Variants in CNTNAP2 observed in about 807,000 individuals in gnomAD.
The protein encoded by CNTNAP2 is contactin associated protein 2, also known as contactin-associated protein-like 2.
CNTNAP2 carries 98 observed loss-of-function variants against 155.2 expected under a neutral mutation model. The ratio of observed to expected loss-of-function variants is 0.63; its 90% CI spans 0.54 to 0.75. The LOEUF is 0.75. Ranked by LOEUF, CNTNAP2 falls within the 30% of genes least tolerant of loss-of-function variation. The pLI, the probability that CNTNAP2 is intolerant of heterozygous loss-of-function variation, is 0.00. For synonymous variants in CNTNAP2, 651 were observed against 631.2 expected (o/e 1.03, Z -0.47); for missense variants, 1,727 against 1,688.1 (o/e 1.02, Z -0.40).
intron 3 of CNTNAP2, among the ~76,000 whole-genome samples, chr7:147,014,203 AT>A (rs1414496252): frequency 6.6e-6 from 1 of 152,100 alleles, no homozygotes; most frequent in African/African-American, 2.4e-5. Flanking sequence ...AAACAAATGT[AT>A]TTTCTCAGCA....
chr7:146,292,693 T>A (rs1800450913), intron 1 of CNTNAP2, among the ~76,000 whole-genome samples: 1 of 152,216 alleles, frequency 6.6e-6, no homozygotes, highest in Admixed American at 6.5e-5. Flanking sequence ...TGCAGCACTA[T>A]TCAGCTTTAC....
At chr7:147,142,947 G>A (rs1437381071) in intron 8 of CNTNAP2, among the ~76,000 whole-genome samples, 1 of 151,900 alleles carries the variant, frequency 6.6e-6, no homozygotes, top group Non-Finnish European at 1.5e-5. Context: ...CCCAATTTTA[G>A]TATACTTTCC....
chr7:147,324,619 A>C (rs1383044986), intron 9 of CNTNAP2, among the ~76,000 whole-genome samples: 1 of 152,058 alleles, frequency 6.6e-6, no homozygotes, highest in Non-Finnish European at 1.5e-5. Context: ...ATTTCATCAA[A>C]TCTTTCTTCA....
chr7:147,490,808 G>A (rs1479929416), intron 11 of CNTNAP2, among the ~76,000 whole-genome samples: 2 of 152,310 alleles, frequency 1.3e-5, no homozygotes, highest in Middle Eastern at 3.4e-3. Context: ...GTTCCATGTA[G>A]CCGGGGAGGC....
chr7:146,998,253 A>G (rs1798349909), intron 3 of CNTNAP2, among the ~76,000 whole-genome samples: 1 of 152,004 alleles, frequency 6.6e-6, no homozygotes, highest in Non-Finnish European at 1.5e-5. Flanking sequence ...TCTGAAGAAT[A>G]TTTTAAATTT....
chr7:146,558,409 T>C (rs1289472001), intron 1 of CNTNAP2, among the ~76,000 whole-genome samples: 1 of 151,662 alleles, frequency 6.6e-6, no homozygotes, highest in Non-Finnish European at 1.5e-5. Context: ...GGCATGTACT[T>C]TTTTTTTAAC....
intron 12 of CNTNAP2, among the ~76,000 whole-genome samples, chr7:147,585,348 A>G (rs1431940128): frequency 6.6e-6 from 1 of 151,228 alleles, no homozygotes; most frequent in African/African-American, 2.4e-5. Flanking sequence ...TATCATTACT[A>G]TGAGTTAGGA....
At chr7:147,551,568 TTA>T (rs1562992954) in intron 11 of CNTNAP2, among the ~76,000 whole-genome samples, 1 of 152,184 alleles carries the variant, frequency 6.6e-6, no homozygotes, top group African/African-American at 2.4e-5. Flanking sequence ...ACCTGTCCTA[TTA>T]TAAAACAAGC....
intron 3 of CNTNAP2, among the ~76,000 whole-genome samples, chr7:146,979,601 A>T (rs1377360043): frequency 6.6e-6 from 1 of 152,202 alleles, no homozygotes; most frequent in Non-Finnish European, 1.5e-5. Flanking sequence ...CCGTGAAAGC[A>T]GAGTGTGATC....
chr7:147,067,828 C>A (rs545216309), intron 4 of CNTNAP2, among the ~76,000 whole-genome samples: 25 of 152,208 alleles, frequency 1.6e-4, no homozygotes, highest in South Asian at 6.2e-4. Context: ...CCTCTCGATT[C>A]GCATTCGGTT....
intron 1 of CNTNAP2, among the ~76,000 whole-genome samples, chr7:146,630,586 A>G (rs1799494730): frequency 6.6e-6 from 1 of 151,976 alleles, no homozygotes; most frequent in Non-Finnish European, 1.5e-5. Context: ...ACTGATTTAC[A>G]CCCCCACTAA....
At chr7:146,725,465 T>C (rs981926215) in intron 1 of CNTNAP2, among the ~76,000 whole-genome samples, 2 of 152,130 alleles carry the variant, frequency 1.3e-5, no homozygotes, top group African/African-American at 2.4e-5. Context: ...AGTTAAATGA[T>C]AATAGCCCTT....
intron 1 of CNTNAP2, among the ~76,000 whole-genome samples, chr7:146,700,524 G>T (rs1156737970): frequency 1.3e-5 from 2 of 151,930 alleles, no homozygotes; most frequent in Non-Finnish European, 2.9e-5. Flanking sequence ...ATACCTAAAG[G>T]CATTGTACAT....
At chr7:148,033,496 T>TTG (rs1554464804) in intron 15 of CNTNAP2, among the ~76,000 whole-genome samples, 3 of 152,116 alleles carry the variant, frequency 2.0e-5, no homozygotes, top group Non-Finnish European at 2.9e-5. Flanking sequence ...ACAAAGGCCC[T>TTG]TGTGTGTGTT....
rs560522307 is a variant in CNTNAP2, at chr7:147,255,633, TA to T, written c.1349-44500del. ...CTGGAGGTAAAGTTACCATGCCATA[TA>T]AAAAAAATGGAGATAAAAGTAATAC... On this transcript the variant is annotated intron_variant, in intron 8 of 23. Transcript: ENST00000361727. Among the ~76,000 whole-genome samples, 225 of 152,152 alleles carry T rather than the reference TA, an allele frequency of 1.5e-3. 3 individuals carry two copies. The highest frequency in any genetic ancestry group is 4.9e-3 in the African/African-American group (202 of 41,520).
intron 20 of CNTNAP2, among the ~76,000 whole-genome samples, chr7:148,233,613 T>A (rs1795998988): frequency 6.6e-6 from 1 of 152,242 alleles, no homozygotes; most frequent in Admixed American, 6.5e-5. Context: ...CATACTCCAC[T>A]TATACAACAT....
At chr7:147,444,527 T>TTC (rs1554485416) in intron 10 of CNTNAP2, among the ~76,000 whole-genome samples, 42 of 144,770 alleles carry the variant, frequency 2.9e-4, no homozygotes, top group African/African-American at 9.4e-4. Context: ...TAAATTTTCT[T>TTC]TTTTTTTTTT....
At chr7:146,879,224 A>T (rs1205121106) in intron 3 of CNTNAP2, among the ~76,000 whole-genome samples, 1 of 152,268 alleles carries the variant, frequency 6.6e-6, no homozygotes, top group Non-Finnish European at 1.5e-5. Flanking sequence ...AATTCTAGTT[A>T]CTATTATCAA....
chr7:146,852,884 G>A (rs1246527615), intron 3 of CNTNAP2, among the ~76,000 whole-genome samples: 1 of 152,150 alleles, frequency 6.6e-6, no homozygotes, highest in Non-Finnish European at 1.5e-5. Flanking sequence ...TTTATCTTAT[G>A]CACTTAGCAA....
Sources: allele counts gnomAD v4.1 joint callset (sites outside exome capture counted in the v4.1 genomes callset), GRCh38; gene constraint gnomAD v4.1.1; transcripts MANE v1.5; gene names NCBI Gene and HGNC (gene_info 2026-07-23, HGNC 2026-07-21).